RANBP17: variants seen among roughly 807,000 people sequenced by gnomAD.
RANBP17 encodes the protein ran-binding protein 17.
RANBP17 carries 158 observed loss-of-function variants against 141.2 expected under a neutral mutation model. The ratio of observed to expected loss-of-function variants is 1.12; its 90% CI spans 0.98 to 1.28. The LOEUF (loss-of-function observed/expected upper bound fraction) is 1.28, where lower values mean the gene tolerates loss of function less well. Among genes scored for constraint, RANBP17 ranks in the 50% most tolerant of loss-of-function variants. RANBP17 has a pLI of 0.00. For missense variants in RANBP17, 1,438 were observed against 1,290.7 expected, an observed-to-expected ratio of 1.11 and a Z score of -1.75; for synonymous variants, 430 against 450.0, an observed-to-expected ratio of 0.96 and a Z score of 0.56.
intron 14 of RANBP17, among the ~76,000 whole-genome samples, chr5:171,006,603 G>A (rs1275759939): frequency 6.6e-6 from 1 of 152,074 alleles, no homozygotes; most frequent in African/African-American, 2.4e-5. Flanking sequence ...TTGTGGGGTG[G>A]GGGAAGCGGG....
chr5:171,282,678 C>T (rs762117264), intron 25 of RANBP17, among the ~76,000 whole-genome samples: 10 of 152,018 alleles, frequency 6.6e-5, no homozygotes, highest in African/African-American at 1.4e-4. Context: ...CGGGGTTTCA[C>T]GATGTTGGCC....
intron 14 of RANBP17, among the ~76,000 whole-genome samples, chr5:170,993,519 C>T (rs1358723706): frequency 6.6e-6 from 1 of 152,034 alleles, no homozygotes; most frequent in Non-Finnish European, 1.5e-5. Flanking sequence ...GATTTAACTG[C>T]CAGTTCTGTC....
In RANBP17 at chr5:171,267,534, G is replaced by T. The variant is rs371017549; in HGVS notation, c.2943+1687G>T. On this transcript the variant is annotated intron_variant, in intron 25 of 27. Transcript: ENST00000523189. ...AATCATCAGAAAATGTTGGCCGGGC[G>T]CAGTGACTCACGCCTGTAATCTCAG... Among the ~76,000 whole-genome samples the T allele has an allele frequency of 2.1e-4, 32 of 152,220 alleles. 1 individual carries two copies. The South Asian group carries it at 6.4e-3, about 31-fold the overall frequency.
At chr5:171,123,441 C>G (rs1052308405) in intron 14 of RANBP17, among the ~76,000 whole-genome samples, 1 of 152,200 alleles carries the variant, frequency 6.6e-6, no homozygotes, top group African/African-American at 2.4e-5. Flanking sequence ...TTTGGGGGGT[C>G]AAGGGTTTAA....
chr5:170,928,586 C>G (rs1054943491), intron 12 of RANBP17, among the ~76,000 whole-genome samples: 2 of 151,924 alleles, frequency 1.3e-5, no homozygotes, highest in African/African-American at 4.8e-5. Flanking sequence ...ATATCTTTCT[C>G]CCCCATTGAA....
At chr5:171,152,310 C>T (rs1362209276) in intron 14 of RANBP17, among the ~76,000 whole-genome samples, 4 of 151,410 alleles carry the variant, frequency 2.6e-5, no homozygotes, top group African/African-American at 9.7e-5. Context: ...ATCCCAGCTA[C>T]TCGGGAGGCT....
At chr5:170,902,306 T>C (rs531683260) in intron 5 of RANBP17, among the ~76,000 whole-genome samples, 1 of 152,332 alleles carries the variant, frequency 6.6e-6, no homozygotes, top group South Asian at 2.1e-4. Context: ...TTCCTCTTGA[T>C]TGATTTGGCC....
intron 11 of RANBP17, among the ~76,000 whole-genome samples, chr5:170,922,085 C>T (rs1327078371): frequency 8.0e-6 from 1 of 125,292 alleles, no homozygotes; most frequent in East Asian, 2.7e-4. Flanking sequence ...TAACAGACCC[C>T]TCAGCTGCAG....
chr5:171,220,345 G>C lies in RANBP17; in HGVS notation c.2340-1413G>C, dbSNP rs544376874. Among the ~76,000 whole-genome samples the C allele has an allele frequency of 7.3e-5, 11 of 151,678 alleles. No individual in the cohort carries two copies. In the East Asian group the frequency reaches 2.1e-3, roughly 30 times the overall value. ...GGTGCCTCCCGGTTAGGCTACTCGGGAGTCAGAGACCCACCCGCCTTCTGC... is the reference window on the plus strand; with the variant it reads ...GGTGCCTCCCGGTTAGGCTACTCGGCAGTCAGAGACCCACCCGCCTTCTGC... On this transcript the variant is annotated intron_variant, in intron 21 of 27. Transcript: ENST00000523189.
At position 170,979,970 on chromosome 5, in the gene RANBP17, T is replaced by C. The variant is rs149590321; in HGVS notation, c.1710+11593T>C. The stretch of plus-strand genomic sequence containing the variant: ...AAGTTTGGATCTTCCAAGAGACTTA[T>C]TGATTGGCTTTGACCAAAATGCTGA... On this transcript the variant is annotated intron_variant, in intron 14 of 27. Coordinates refer to ENST00000523189, the MANE Select transcript of RANBP17 (RefSeq NM_022897.5). Among the ~76,000 whole-genome samples the C allele has an allele frequency of 8.7e-4, 132 of 152,334 alleles. 1 individual carries two copies. The highest frequency in any genetic ancestry group is 3.3e-3 in the East Asian group (17 of 5,172).
intron 14 of RANBP17, among the ~76,000 whole-genome samples, chr5:171,027,309 A>G (rs1581435368): frequency 6.6e-6 from 1 of 152,216 alleles, no homozygotes; most frequent in Non-Finnish European, 1.5e-5. Context: ...GCAGTGTCTT[A>G]AAGAATTAAT....
At chr5:171,147,950 C>T (rs998817618) in intron 14 of RANBP17, among the ~76,000 whole-genome samples, 6 of 152,088 alleles carry the variant, frequency 3.9e-5, no homozygotes, top group Admixed American at 1.3e-4. Flanking sequence ...AATAGAAAGG[C>T]GGGAAAGGTG....
chr5:170,872,068 A>G (rs1195433304), intron 1 of RANBP17, among the ~76,000 whole-genome samples: 1 of 152,170 alleles, frequency 6.6e-6, no homozygotes, highest in Non-Finnish European at 1.5e-5. Flanking sequence ...TGTCAATGGT[A>G]GTTTGATGGG....
chr5:170,912,660 C>T (rs755674442), intron 7 of RANBP17, among the ~76,000 whole-genome samples: 95 of 151,390 alleles, frequency 6.3e-4, no homozygotes, highest in Non-Finnish European at 9.0e-4. Context: ...ACCCAATCTC[C>T]TAGAATGTAG....
intron 14 of RANBP17, among the ~76,000 whole-genome samples, chr5:170,997,929 A>T (rs114122024): frequency 2.2e-4 from 33 of 152,052 alleles, no homozygotes; most frequent in African/African-American, 8.0e-4. Context: ...ATTATTTCTT[A>T]TAAAAAGAAA....
intron 1 of RANBP17, among the ~76,000 whole-genome samples, 166 bp from the exon 2 acceptor site, chr5:170,877,931 G>A (rs748372729): frequency 3.2e-4 from 48 of 152,106 alleles, no homozygotes; most frequent in Non-Finnish European, 6.0e-4. Context: ...TAGGAGATGG[G>A]CCTGTTTTGT....
chr5:171,159,917 C>CAAA (rs1175963382), intron 14 of RANBP17, among the ~76,000 whole-genome samples: 16 of 41,486 alleles, frequency 3.9e-4, no homozygotes, highest in Middle Eastern at 0.016. Context: ...GACTCCATCT[C>CAAA]AAAAAAAAAA....
At chr5:171,170,283 T>C (rs1760010712) in intron 15 of RANBP17, 80 bp downstream of exon 15, 2 of 571,344 alleles carry the variant, frequency 3.5e-6, no homozygotes, top group Non-Finnish European at 5.8e-6. Context: ...ATTTAAACCT[T>C]TTTATATATT....
intron 12 of RANBP17, among the ~76,000 whole-genome samples, chr5:170,946,435 A>G (rs1039976352): frequency 1.3e-5 from 2 of 152,184 alleles, no homozygotes; most frequent in Non-Finnish European, 2.9e-5. Context: ...TGAAGTGTAT[A>G]ACATATCCTA....
Sources: allele counts gnomAD v4.1 joint callset (sites outside exome capture counted in the v4.1 genomes callset), GRCh38; gene constraint gnomAD v4.1.1; transcripts MANE v1.5; gene names NCBI Gene and HGNC (gene_info 2026-07-23, HGNC 2026-07-21).